Variants in CAMTA1 observed in about 807,000 individuals in gnomAD.
CAMTA1 encodes the protein calmodulin-binding transcription activator 1.
In CAMTA1, 27 loss-of-function variants were observed where a neutral mutation model predicts 170.9. The observed-to-expected ratio is 0.16, with a 90% CI of 0.12 to 0.22. The LOEUF (loss-of-function observed/expected upper bound fraction) is 0.22, where lower values mean the gene tolerates loss of function less well. Ranked by LOEUF, CAMTA1 falls within the 10% of genes least tolerant of loss-of-function variation. The pLI, the probability that CAMTA1 is intolerant of heterozygous loss-of-function variation, is 1.00. For missense variants in CAMTA1, 1,619 were observed against 2,217.2 expected, an observed-to-expected ratio of 0.73 and a Z score of 5.42; for synonymous variants, 833 against 891.5, an observed-to-expected ratio of 0.93 and a Z score of 1.17.
intron 5 of CAMTA1, among the ~76,000 whole-genome samples, chr1:7,373,213 G>A (rs2086608582): frequency 6.6e-6 from 1 of 152,160 alleles, no homozygotes; most frequent in Non-Finnish European, 1.5e-5. Context: ...TCCACCTCCT[G>A]GAGTATTTCT....
At chr1:7,276,291 A>AT (rs1257658481) in intron 5 of CAMTA1, among the ~76,000 whole-genome samples, 58 of 51,266 alleles carry the variant, frequency 1.1e-3, no homozygotes, top group Non-Finnish European at 1.5e-3. Context: ...ATATATATAT[A>AT]TATATATATA....
At chr1:7,157,261 C>T (rs897939521) in intron 4 of CAMTA1, among the ~76,000 whole-genome samples, 1 of 139,210 alleles carries the variant, frequency 7.2e-6, no homozygotes. Context: ...AGCAGAATGG[C>T]GTGAACCCGG....
In CAMTA1 at chr1:7,580,908, C is replaced by T. The variant is rs1472570007; in HGVS notation, c.511-59492C>T. ...TGACCTCGAGAAGGTCACATGACCT[C>T]GCTGGGCCTCAGTTTCCTCATCTGT... On this transcript the variant is annotated intron_variant, in intron 6 of 22. Coordinates refer to ENST00000303635, the MANE Select transcript of CAMTA1 (RefSeq NM_015215.4). This position sits in a 1 kb window ranked among gnomAD's most constrained non-coding sequence, Gnocchi z 4.3. Among the ~76,000 whole-genome samples the T allele has an allele frequency of 2.0e-5, 3 of 152,206 alleles. No homozygotes were observed. Among genetic ancestry groups the T allele is most frequent in the Non-Finnish European group, 4.4e-5 (3 of 68,032 alleles).
At chr1:7,591,296 A>G (rs72867140) in intron 6 of CAMTA1, among the ~76,000 whole-genome samples, 1 of 152,230 alleles carries the variant, frequency 6.6e-6, no homozygotes, top group Non-Finnish European at 1.5e-5. Context: ...GTCATAACGA[A>G]GTTCAGATCA....
At chr1:7,367,592 T>C in intron 5 of CAMTA1, among the ~76,000 whole-genome samples, 1 of 152,232 alleles carries the variant, frequency 6.6e-6, no homozygotes, top group East Asian at 1.9e-4. Flanking sequence ...TGCCTGGCAT[T>C]TGGGGCCAAG....
chr1:7,505,117 A>G (rs2094081505), intron 6 of CAMTA1, among the ~76,000 whole-genome samples: 1 of 152,272 alleles, frequency 6.6e-6, no homozygotes, highest in Non-Finnish European at 1.5e-5. Flanking sequence ...ACAAGCACAC[A>G]GATGCCTCAT....
chr1:6,887,736 T>C lies in CAMTA1; in HGVS notation c.234+62526T>C. The C allele has an allele frequency of 6.5e-7, 1 of 1,535,246 alleles. No individual in the cohort carries two copies. The highest frequency in any genetic ancestry group is 2.4e-5 in the East Asian group (1 of 40,918). ...AGCCATGAGGGCTGACACATTGGAA[T>C]GAAAGCTGGCAGAATTCGTAGGGAG... On this transcript the variant is annotated intron_variant, in intron 3 of 22. Coordinates refer to ENST00000303635, the MANE Select transcript of CAMTA1 (RefSeq NM_015215.4). This position sits in a 1 kb window ranked among gnomAD's most constrained non-coding sequence, Gnocchi z 4.1.
In CAMTA1 at chr1:6,983,612, C is replaced by T. The variant is rs148985383; in HGVS notation, c.235-107692C>T. 4.7e-4 allele frequency among the ~76,000 whole-genome samples: 71 copies of T among 152,262 alleles called. 1 individual carries two copies. The highest frequency in any genetic ancestry group is 1.7e-3 in the African/African-American group (70 of 41,532). ...AGCTTCATGGAGGCAAGTTCTATAA[C>T]TAATTTGTTTACTTCAGTAGCCCAG... On this transcript the variant is annotated intron_variant, in intron 3 of 22. Coordinates refer to ENST00000303635, the MANE Select transcript of CAMTA1 (RefSeq NM_015215.4).
intron 5 of CAMTA1, among the ~76,000 whole-genome samples, chr1:7,398,154 GCTCTCTCT>G (rs371668581): frequency 2.7e-3 from 71 of 26,208 alleles, no homozygotes; most frequent in Non-Finnish European, 3.1e-3. Flanking sequence ...TAATAATATT[GCTCTCTCT>G]CTCTCTCTCT....
At position 7,300,151 on chromosome 1, in the gene CAMTA1, T is replaced by C. The variant is rs562299868; in HGVS notation, c.438+50525T>C. Reference sequence around the variant, plus strand: ...ATTCCCTTCGCAATAAAGCACCAGATTGAATGTCCGATGAGTCACAAATGC... The same window carrying C: ...ATTCCCTTCGCAATAAAGCACCAGACTGAATGTCCGATGAGTCACAAATGC... On this transcript the variant is annotated intron_variant, in intron 5 of 22. Transcript: ENST00000303635. The surrounding 1 kb of genome is among the most constrained non-coding windows in gnomAD (Gnocchi z 4.1). Among the ~76,000 whole-genome samples the C allele has an allele frequency of 1.5e-3, 231 of 152,306 alleles. No homozygotes were observed. Among genetic ancestry groups the C allele is most frequent in the Non-Finnish European group, 2.7e-3 (184 of 68,030 alleles).
chr1:6,982,442 T>A (rs1694590241), intron 3 of CAMTA1, among the ~76,000 whole-genome samples: 2 of 152,178 alleles, frequency 1.3e-5, no homozygotes, highest in Non-Finnish European at 2.9e-5. Flanking sequence ...GAGAGGCACC[T>A]CTCATTGCCT....
rs960852408 is a variant in CAMTA1 at position 7,738,379 on chromosome 1, G to A, written c.4079G>A (p.Ser1360Asn). 6 of 1,614,110 alleles carry A rather than the reference G, an allele frequency of 3.7e-6. No individual in the cohort carries two copies. The Admixed American group carries it at 5.0e-5, about 13-fold the overall frequency. ...CAGGTGCGTCCACGGGAACCAATGAGTGTCCTGATGATGGCTAACAGAGAG... is the reference window on the plus strand; with the variant it reads ...CAGGTGCGTCCACGGGAACCAATGAATGTCCTGATGATGGCTAACAGAGAG... Reference protein sequence around the residue: ...PSQVRPREPMSVLMMANREVV... With the variant: ...PSQVRPREPMNVLMMANREVV... Residue 1360 changes from serine (S) to asparagine (N), a missense_variant, in exon 16 of 23, where the codon AGT (serine) becomes AAT (asparagine). Transcript: ENST00000303635. This position sits in a 1 kb window ranked among gnomAD's most constrained non-coding sequence, Gnocchi z 4.9.
At chr1:6,871,642 GCT>G in intron 3 of CAMTA1, 10 of 800,400 alleles carry the variant, frequency 1.2e-5, no homozygotes, top group Non-Finnish European at 1.9e-5. Flanking sequence ...AATAAAAATG[GCT>G]CTACACGACA....
At chr1:7,298,589 TG>T (rs1373094032) in intron 5 of CAMTA1, among the ~76,000 whole-genome samples, 3 of 152,198 alleles carry the variant, frequency 2.0e-5, no homozygotes, top group Admixed American at 2.0e-4. Flanking sequence ...TCTAGATTTT[TG>T]TTTCTAAAGG....
At position 7,769,455 on chromosome 1, in the gene CAMTA1, C is replaced by G. The variant is rs565094770; in HGVS notation, c.*2964C>G. 2.2e-4 allele frequency: 33 copies of G among 152,870 alleles called. No individual in the cohort carries two copies. The highest frequency in any genetic ancestry group is 1.9e-3 in the Admixed American group (29 of 15,302). The allele number at this position is 152,870 out of a possible 1,614,324, so 9.5% of individuals were successfully genotyped here. On this transcript the variant is annotated 3_prime_UTR_variant, in exon 23 of 23. Coordinates refer to ENST00000303635, the MANE Select transcript of CAMTA1 (RefSeq NM_015215.4). ...TGCACGGTCGCTTATGGCAGTTCCA[C>G]ACAGTAGTTGGCGCCCAATGGGGGG...
intron 5 of CAMTA1, among the ~76,000 whole-genome samples, chr1:7,377,508 A>G (rs774712607): frequency 6.6e-6 from 1 of 152,176 alleles, no homozygotes; most frequent in Admixed American, 6.5e-5. Flanking sequence ...CTCTTTTCCC[A>G]ACCATTGGGT....
chr1:6,853,546 T>C (rs1661196960), intron 3 of CAMTA1, among the ~76,000 whole-genome samples: 1 of 151,834 alleles, frequency 6.6e-6, no homozygotes, highest in East Asian at 1.9e-4. Flanking sequence ...GTGGGAAAAA[T>C]AGGAAGTGAA....
rs780200459 is a variant in CAMTA1 at position 7,736,325 on chromosome 1, G to GTGGGTTACGCATGGGGA, written c.3067-17_3067-16insGGTTACGCATGGGGATG. The stretch of plus-strand genomic sequence containing the variant: ...GGGCCTTTAGTCCTGAGGTCGTAAC[G>GTGGGTTACGCATGGGGA]TGCGCTTTTTTGTGACAGTGTGCTT... On this transcript the variant is annotated intron_variant, in intron 12 of 22. Transcript: ENST00000303635. This position sits in a 1 kb window ranked among gnomAD's most constrained non-coding sequence, Gnocchi z 4.5. 12 of 1,611,244 alleles carry GTGGGTTACGCATGGGGA rather than the reference G, an allele frequency of 7.4e-6. No individual in the cohort carries two copies. The highest frequency in any genetic ancestry group is 1.0e-5 in the Non-Finnish European group (12 of 1,178,464).
chr1:6,819,461 C>G (rs1646241944), intron 1 of CAMTA1, among the ~76,000 whole-genome samples: 1 of 152,132 alleles, frequency 6.6e-6, no homozygotes, highest in Non-Finnish European at 1.5e-5. Context: ...GCGCTCTGCA[C>G]ATTTTTTGGG....
Sources: allele counts gnomAD v4.1 joint callset (sites outside exome capture counted in the v4.1 genomes callset), GRCh38; gene constraint gnomAD v4.1.1; non-coding constraint Gnocchi (gnomAD v3.1); transcripts MANE v1.5; gene names NCBI Gene and HGNC (gene_info 2026-07-23, HGNC 2026-07-21).